KIF27: variants seen among roughly 807,000 people sequenced by gnomAD.
KIF27 encodes kinesin-like protein KIF27.
In KIF27, 84 loss-of-function variants were observed where a neutral mutation model predicts 141.8. The ratio of observed to expected loss-of-function variants is 0.59; its 90% confidence interval spans 0.50 to 0.71. The LOEUF (loss-of-function observed/expected upper bound fraction) is 0.71, where lower values mean the gene tolerates loss of function less well. Among genes scored for constraint, KIF27 ranks in the 30% least tolerant of loss-of-function variants. The pLI, the probability that KIF27 is intolerant of heterozygous loss-of-function variation, is 0.00. For synonymous variants in KIF27, 471 were observed against 569.5 expected (o/e 0.83, Z 2.46); for missense variants, 1,306 against 1,628.4 (o/e 0.80, Z 3.41).
At chr9:83,871,340 T>C (rs972974830) in intron 11 of KIF27, among the ~76,000 whole-genome samples, 1 of 152,196 alleles carries the variant, frequency 6.6e-6, no homozygotes, top group African/African-American at 2.4e-5. Flanking sequence ...AAGAAAGGAA[T>C]GTTAGCTCTT....
intron 12 of KIF27, among the ~76,000 whole-genome samples, 178 bp downstream of exon 12, chr9:83,870,341 A>C (rs1950671460): frequency 6.6e-6 from 1 of 152,058 alleles, no homozygotes; most frequent in South Asian, 2.1e-4. Context: ...TAATTTTTAT[A>C]CTTTTAGTAG....
rs200142874 is a variant in KIF27, at chr9:83,908,314, A to G, written c.499+138T>C. The G allele has an allele frequency of 8.6e-5, 46 of 533,900 alleles. 1 individual carries two copies. The East Asian group carries it at 1.4e-3, about 16-fold the overall frequency. The allele number at this position is 533,900 out of a possible 1,614,324, so 33.1% of individuals were successfully genotyped here. ...GAGGGATTAATAATAAAGCTGTTCA[A>G]TTTAAAAGTAAAAATAAATTCATTT... On this transcript the variant is annotated intron_variant, in intron 3 of 17. Coordinates refer to ENST00000297814, the MANE Select transcript of KIF27 (RefSeq NM_017576.4).
Position 83,891,374 on chromosome 9 carries a change from T to C in KIF27, c.1730A>G (p.Glu577Gly). 6.2e-7 allele frequency: 1 copy of C among 1,613,884 alleles called. No homozygotes were observed. Among genetic ancestry groups the C allele is most frequent in the Non-Finnish European group, 8.5e-7 (1 of 1,179,824 alleles). Residue 577 changes from glutamate to glycine, a missense_variant, in exon 6 of 18, where the codon GAA (glutamate) becomes GGA (glycine). Physicochemically the swap from Glu to Gly is moderately conservative, Grantham distance 98 (BLOSUM62 -2). This residue lies in a region of KIF27 where 596 missense variants were observed against 751.6 expected (regional missense o/e 0.79). Transcript: ENST00000297814. ...AAATGGTACAGTATATGGTCTCCTT[T>C]CAGGGATCCTGGCATCTGGCCCATC... The part of the protein sequence containing the change: ...CGDGPDARIP[E>G]RRPYTVPFDT...
chr9:83,834,196 C>T lies in KIF27; in HGVS notation c.*2805G>A, dbSNP rs1188195404. ...AACATTTTATATACATGCAAAAAGG[C>T]AATAAAGTGACAAAATGTTTAGAAA... On this transcript the variant is annotated 3_prime_UTR_variant, in exon 18 of 18. Coordinates refer to ENST00000297814, the MANE Select transcript of KIF27 (RefSeq NM_017576.4). 5.9e-5 allele frequency among the ~76,000 whole-genome samples: 9 copies of T among 151,712 alleles called. No homozygotes were observed. The highest frequency in any genetic ancestry group is 2.2e-4 in the African/African-American group (9 of 41,298).
At chr9:83,862,606 C>T (rs1231309955) in intron 13 of KIF27, among the ~76,000 whole-genome samples, 4 of 152,032 alleles carry the variant, frequency 2.6e-5, no homozygotes, top group East Asian at 1.9e-4. Flanking sequence ...AGTCAGGTAG[C>T]GTGATGCCTC....
chr9:83,873,020 G>A (rs1950921132), intron 11 of KIF27, among the ~76,000 whole-genome samples: 2 of 152,208 alleles, frequency 1.3e-5, no homozygotes, highest in Admixed American at 6.5e-5. Flanking sequence ...GGTAGTCACT[G>A]TGGGGAACTG....
At chr9:83,855,574 A>G (rs889285517) in intron 14 of KIF27, among the ~76,000 whole-genome samples, 5 of 152,244 alleles carry the variant, frequency 3.3e-5, no homozygotes, top group African/African-American at 1.2e-4. Context: ...CTTATCATCA[A>G]TAGGTTCTTG....
At chr9:83,853,225 A>C (rs1350485521) in intron 15 of KIF27, among the ~76,000 whole-genome samples, 1 of 152,104 alleles carries the variant, frequency 6.6e-6, no homozygotes, top group Non-Finnish European at 1.5e-5. Flanking sequence ...GAGAAAGTAC[A>C]GATTCCCCTA....
chr9:83,903,067 T>G lies in KIF27; in HGVS notation c.1451A>C (p.Lys484Thr), dbSNP rs983063564. ...TAAGTGATGTCTAAGTACCTGGCAT[T>G]TCTTAAGCTCTCTCTTCAGCTGGAG... ...TVLQLKRELK[K>T]CQCVLAADEV... Residue 484 changes from lysine (K) to threonine (T), a missense_variant, in exon 4 of 18, where the codon AAA becomes ACA. This residue lies in a region of KIF27 where 29 missense variants were observed against 60.3 expected (regional missense o/e 0.48). Coordinates refer to ENST00000297814, the MANE Select transcript of KIF27 (RefSeq NM_017576.4). The G allele has an allele frequency of 1.5e-5, 24 of 1,601,338 alleles. No individual in the cohort carries two copies. The highest frequency in any genetic ancestry group is 2.0e-5 in the Non-Finnish European group (23 of 1,171,878).
Position 83,903,254 on chromosome 9 carries a change from G to T in KIF27, c.1264C>A (p.Leu422Met). 1 of 1,614,154 alleles carries T rather than the reference G, an allele frequency of 6.2e-7. No individual in the cohort carries two copies. Among genetic ancestry groups the T allele is most frequent in the Non-Finnish European group, 8.5e-7 (1 of 1,180,026 alleles). Residue 422 changes from leucine (L) to methionine (M), a missense_variant, in exon 4 of 18, where the codon CTG (leucine) becomes ATG (methionine). Leu to Met is a conservative substitution (Grantham distance 15). This residue lies in a region of KIF27 where 533 missense variants were observed against 565.6 expected (regional missense o/e 0.94). Coordinates refer to ENST00000297814, the MANE Select transcript of KIF27 (RefSeq NM_017576.4). ...QCCVEEAFTF[L>M]VDLKDTVRLN... ...CTGACAGTATCTTTTAGGTCAACCA[G>T]GAAGGTAAAGGCTTCTTCTACACAA...
At chr9:83,886,443 T>A (rs1471336878) in intron 9 of KIF27, among the ~76,000 whole-genome samples, 1 of 152,064 alleles carries the variant, frequency 6.6e-6, no homozygotes, top group African/African-American at 2.4e-5. Context: ...AGTGAGTGCT[T>A]ACTTTTCAAT....
Position 83,836,606 on chromosome 9 carries a change from C to T in KIF27, c.*395G>A, listed in dbSNP as rs931965466. The T allele has an allele frequency of 6.4e-6, 1 of 156,156 alleles. No individual in the cohort carries two copies. Among genetic ancestry groups the T allele is most frequent in the Non-Finnish European group, 1.4e-5 (1 of 70,996 alleles). 9.7% of individuals were successfully genotyped at this position (156,156 alleles called of 1,614,324 possible). On this transcript the variant is annotated 3_prime_UTR_variant, in exon 18 of 18. Coordinates refer to ENST00000297814, the MANE Select transcript of KIF27 (RefSeq NM_017576.4). ...CTGGATCTTTTAAAAAAAAAATATA[C>T]TTGTATTTGAGAATAACAATAATAT...
chr9:83,863,818 G>A (rs1000644849), intron 13 of KIF27: 3 of 152,062 alleles, frequency 2.0e-5, no homozygotes, highest in Non-Finnish European at 4.4e-5. Context: ...GACTTTTTTC[G>A]GTTGGTAAGC....
At chr9:83,914,961 C>T (rs1955546091) in intron 2 of KIF27, among the ~76,000 whole-genome samples, 1 of 152,164 alleles carries the variant, frequency 6.6e-6, no homozygotes, top group South Asian at 2.1e-4. Flanking sequence ...TTAATATTTA[C>T]AACTGGCTTG....
At chr9:83,843,644 T>A (rs1946848968) in intron 16 of KIF27, among the ~76,000 whole-genome samples, 1 of 152,236 alleles carries the variant, frequency 6.6e-6, no homozygotes, top group Admixed American at 6.5e-5. Flanking sequence ...CTTAATTTTA[T>A]GTCCGATATT....
chr9:83,873,856 T>A (rs1273667931), intron 11 of KIF27, among the ~76,000 whole-genome samples: 1 of 152,160 alleles, frequency 6.6e-6, no homozygotes, highest in Admixed American at 6.5e-5. Flanking sequence ...GAGACCATCC[T>A]AGCTAACACC....
At chr9:83,916,905 C>T (rs1470302087) in intron 1 of KIF27, among the ~76,000 whole-genome samples, 1 of 152,012 alleles carries the variant, frequency 6.6e-6, no homozygotes, top group Non-Finnish European at 1.5e-5. Context: ...CCTCGTGATG[C>T]GCCTGTCTTG....
chr9:83,919,707 C>A (rs1341981782), intron 1 of KIF27, among the ~76,000 whole-genome samples: 1 of 150,750 alleles, frequency 6.6e-6, no homozygotes, highest in African/African-American at 2.4e-5. Flanking sequence ...CCAGCCTGGG[C>A]AACATGGAGA....
rs1233924424 is a variant in KIF27, at chr9:83,908,564, A to G, written c.387T>C (p.Phe129=). 1 of 1,611,284 alleles carries G rather than the reference A, an allele frequency of 6.2e-7. No homozygotes were observed. Among genetic ancestry groups the G allele is most frequent in the Admixed American group, 1.7e-5 (1 of 59,990 alleles). Residue 129 remains phenylalanine, a synonymous_variant, in exon 3 of 18, where the codon TTT becomes TTC. Transcript: ENST00000297814. ...CTTCTATATAAGATACTTTTACATT[A>G]AAGTCAATGCTAGGATGTTCAGAGA... is the stretch of plus-strand genomic sequence containing the variant. ...QSISEHPSID[F]NVKVSYIEVY...
Sources: gnomAD v4.1 joint callset for allele counts (sites outside exome capture counted in the v4.1 genomes callset) on GRCh38, gnomAD v4.1.1 for gene constraint, gnomAD v4.1.1 regional missense constraint, MANE v1.5 for transcripts, NCBI Gene and HGNC (gene_info 2026-07-23, HGNC 2026-07-21) for gene names.